Variants in ARID2 observed in about 807,000 individuals in gnomAD.
ARID2 encodes AT-rich interaction domain 2.
Under a neutral mutation model 184.6 loss-of-function variants are expected in ARID2, and 32 were observed. The observed-to-expected ratio is 0.17, with a 90% CI of 0.13 to 0.23. The LOEUF (loss-of-function observed/expected upper bound fraction) is 0.23. Among genes scored for constraint, ARID2 ranks in the 10% least tolerant of loss-of-function variants. The pLI is 1.00. For synonymous variants in ARID2, 836 were observed against 772.6 expected, an observed-to-expected ratio of 1.08 and a Z score of -1.36; for missense variants, 1,696 against 2,197.6, an observed-to-expected ratio of 0.77 and a Z score of 4.56.
chr12:45,770,579 C>T (rs189745320), intron 3 of ARID2, among the ~76,000 whole-genome samples: 30 of 152,196 alleles, frequency 2.0e-4, no homozygotes, highest in African/African-American at 6.0e-4. Flanking sequence ...GTGAGGAAGG[C>T]GGAGAATAAT....
rs1943564675 is a variant in ARID2 at position 45,852,180 on chromosome 12, T to C, written c.4057T>C (p.Leu1353=). 1.9e-6 allele frequency: 3 copies of C among 1,613,966 alleles called. No individual in the cohort carries two copies. The highest frequency in any genetic ancestry group is 8.5e-7 in the Non-Finnish European group (1 of 1,180,006). ...QIDMQDIKSD[L]RKPLVNGICD... ...AGACATGCAAGATATCAAAAGTGAT[T>C]TGAGAAAACCGCTAGTTAATGGAAT... Residue 1353 remains leucine (L), a synonymous_variant, in exon 15 of 21, where the codon TTG becomes CTG. Coordinates refer to ENST00000334344, the MANE Select transcript of ARID2 (RefSeq NM_152641.4).
Position 45,851,326 on chromosome 12 carries a change from G to A in ARID2, c.3203G>A (p.Arg1068His), listed in dbSNP as rs754489425. ...SLIKQLLLPKRGPSTPGGKLI... is the reference protein window; with the variant it reads ...SLIKQLLLPKHGPSTPGGKLI... ...ATTAAACAGCTTCTGCTTCCGAAAC[G>A]TGGTCCTTCAACACCAGGTGGTAAG... Residue 1068 changes from arginine to histidine, a missense_variant, in exon 15 of 21, where the codon CGT becomes CAT. By Grantham distance (29) the Arg-to-His change is conservative. Coordinates refer to ENST00000334344, the MANE Select transcript of ARID2 (RefSeq NM_152641.4). The A allele has an allele frequency of 2.5e-6, 4 of 1,614,086 alleles. No individual in the cohort carries two copies. Among genetic ancestry groups the A allele is most frequent in the Non-Finnish European group, 2.5e-6 (3 of 1,179,988 alleles).
chr12:45,802,510 G>T (rs1227179659), intron 3 of ARID2, among the ~76,000 whole-genome samples: 1 of 152,026 alleles, frequency 6.6e-6, no homozygotes, highest in Non-Finnish European at 1.5e-5. Context: ...TCTATTTATT[G>T]TTAGAATTTC....
intron 3 of ARID2, among the ~76,000 whole-genome samples, chr12:45,778,702 G>A (rs576477908): frequency 5.3e-5 from 8 of 151,354 alleles, no homozygotes; most frequent in South Asian, 2.1e-4. Context: ...AATAAATGAC[G>A]GTTCATTTAC....
Position 45,887,288 on chromosome 12 carries a change from AGT to A in ARID2, c.4923-4489_4923-4488del, listed in dbSNP as rs545234393. ...TTAAATCGCCAGTGACTGAGAGAAA[AGT>A]GTCAAAAACTTGTTACAGTAATTAT... On this transcript the variant is annotated intron_variant, in intron 16 of 20. Transcript: ENST00000334344. Among the ~76,000 whole-genome samples the A allele has an allele frequency of 3.5e-4, 54 of 152,316 alleles. No individual in the cohort carries two copies. In the South Asian group the frequency reaches 4.6e-3, roughly 13 times the overall value.
chr12:45,748,767 T>C (rs1941406243), intron 3 of ARID2, among the ~76,000 whole-genome samples: 1 of 152,184 alleles, frequency 6.6e-6, no homozygotes, highest in South Asian at 2.1e-4. Context: ...TCACAGCATC[T>C]TCACCGAGAA....
intron 6 of ARID2, among the ~76,000 whole-genome samples, chr12:45,835,913 A>C (rs1428835075): frequency 6.7e-6 from 1 of 149,846 alleles, no homozygotes; most frequent in Non-Finnish European, 1.5e-5. Flanking sequence ...AAAAAAAAAC[A>C]AAAACAAAAA....
At chr12:45,860,355 T>C (rs570061134) in intron 15 of ARID2, among the ~76,000 whole-genome samples, 39 of 152,316 alleles carry the variant, frequency 2.6e-4, no homozygotes, top group Non-Finnish European at 4.4e-4. Flanking sequence ...TTTCATTGCT[T>C]TTTACCATAT....
rs777957470 is a variant in ARID2 at position 45,893,430 on chromosome 12, G to C, written c.5158G>C (p.Val1720Leu). 2 of 1,612,872 alleles carry C rather than the reference G, an allele frequency of 1.2e-6. No individual in the cohort carries two copies. Among genetic ancestry groups the C allele is most frequent in the Non-Finnish European group, 1.7e-6 (2 of 1,179,386 alleles). The part of the protein sequence containing the change: ...SQKSSTKQPT[V>L]GGTSSTPRAQ... Reference sequence around the variant, plus strand: ...CTCTGATCAATTTAGGCAGCCAACTGTAGGGGGCACAAGCTCAACTCCTAG... The same window carrying C: ...CTCTGATCAATTTAGGCAGCCAACTCTAGGGGGCACAAGCTCAACTCCTAG... Residue 1720 changes from valine (V) to leucine (L), a missense_variant, in exon 19 of 21, where the codon GTA (valine) becomes CTA (leucine). Transcript: ENST00000334344.
chr12:45,855,496 G>C, intron 15 of ARID2, among the ~76,000 whole-genome samples: 1 of 152,228 alleles, frequency 6.6e-6, no homozygotes, highest in African/African-American at 2.4e-5. Flanking sequence ...TTAGCCCAGT[G>C]CCTGCTACAT....
Position 45,905,940 on chromosome 12 carries a change from C to CTTTTTTTTTTTTCTTTTTTTTTT in ARID2, c.*873_*874insTCTTTTTTTTTTTTTTTTTTTTT, listed in dbSNP as rs1362533296. On this transcript the variant is annotated 3_prime_UTR_variant, in exon 21 of 21. Coordinates refer to ENST00000334344, the MANE Select transcript of ARID2 (RefSeq NM_152641.4). ...GAACTGTGATTTTTTTTTCTTTTTT[C>CTTTTTTTTTTTTCTTTTTTTTTT]TTTTTTTTTTTCTTTTTTTTTTTGT... The CTTTTTTTTTTTTCTTTTTTTTTT allele has an allele frequency of 6.0e-6, 1 of 166,986 alleles. No individual in the cohort carries two copies. The highest frequency in any genetic ancestry group is 2.8e-5 in the African/African-American group (1 of 35,846). 10.3% of individuals were successfully genotyped at this position (166,986 alleles called of 1,614,324 possible).
At chr12:45,792,736 C>T (rs1942315587) in intron 3 of ARID2, among the ~76,000 whole-genome samples, 1 of 151,740 alleles carries the variant, frequency 6.6e-6, no homozygotes, top group African/African-American at 2.4e-5. Context: ...ATGATATCTT[C>T]CTGGTCAATT....
At chr12:45,824,944 C>T (rs1429920822) in intron 6 of ARID2, among the ~76,000 whole-genome samples, 1 of 151,118 alleles carries the variant, frequency 6.6e-6, no homozygotes, top group East Asian at 1.9e-4. Context: ...ATTTTTGTAG[C>T]AATGTGGTTG....
rs968894869 is a variant in ARID2 at position 45,753,885 on chromosome 12, TAAC to T, written c.284+22578_284+22580del. ...CTGGAATTATAGGCATGAGCCCCCA[TAAC>T]AACAACTTGCTTACCCACCTTATTT... On this transcript the variant is annotated intron_variant, in intron 3 of 20. Transcript: ENST00000334344. Among the ~76,000 whole-genome samples, 2 of 152,150 alleles carry T rather than the reference TAAC, an allele frequency of 1.3e-5. 1 individual carries two copies. The highest frequency in any genetic ancestry group is 1.3e-4 in the Admixed American group (2 of 15,268).
intron 3 of ARID2, among the ~76,000 whole-genome samples, chr12:45,750,497 C>T (rs1467377950): frequency 1.3e-5 from 2 of 152,162 alleles, no homozygotes; most frequent in African/African-American, 4.8e-5. Flanking sequence ...AGACTTGCTT[C>T]AACTTGTTAA....
intron 16 of ARID2, among the ~76,000 whole-genome samples, chr12:45,883,368 C>T (rs1379336412): frequency 6.0e-5 from 9 of 150,608 alleles, no homozygotes; most frequent in Non-Finnish European, 1.3e-4. Context: ...TTTGCCAAAT[C>T]ATGTTGAAGA....
intron 3 of ARID2, among the ~76,000 whole-genome samples, chr12:45,745,870 C>G (rs887288295): frequency 2.0e-5 from 3 of 152,014 alleles, no homozygotes; most frequent in Non-Finnish European, 4.4e-5. Flanking sequence ...TAAGATGATT[C>G]TGCTGACTTA....
At chr12:45,903,545 A>G (rs1283305313) in intron 20 of ARID2, among the ~76,000 whole-genome samples, 5 of 152,216 alleles carry the variant, frequency 3.3e-5, no homozygotes, top group East Asian at 1.9e-4. Context: ...GATGGTATGT[A>G]TATATGGAAA....
intron 16 of ARID2, among the ~76,000 whole-genome samples, chr12:45,885,599 T>G (rs563371774): frequency 1.2e-4 from 18 of 152,188 alleles, no homozygotes; most frequent in Admixed American, 3.9e-4. Context: ...ATTCTTATGC[T>G]GCTATAAAGA....
Sources: gnomAD v4.1 joint callset for allele counts (sites outside exome capture counted in the v4.1 genomes callset) on GRCh38, gnomAD v4.1.1 for gene constraint, MANE v1.5 for transcripts, NCBI Gene and HGNC (gene_info 2026-07-23, HGNC 2026-07-21) for gene names.